Variants in PAPPA2 observed in about 807,000 individuals in gnomAD.
PAPPA2 encodes pappalysin-2.
PAPPA2 carries 86 observed loss-of-function variants against 176.4 expected under a neutral mutation model. That is an observed-to-expected ratio of 0.49 (90% CI 0.41 to 0.58). The LOEUF (loss-of-function observed/expected upper bound fraction) is 0.58, where lower values mean the gene tolerates loss of function less well. Ranked by LOEUF, PAPPA2 falls within the 20% of genes least tolerant of loss-of-function variation. PAPPA2 has a pLI of 0.00. For synonymous variants in PAPPA2, 809 were observed against 852.2 expected (o/e 0.95, Z 0.88); for missense variants, 2,073 against 2,256.9 (o/e 0.92, Z 1.65).
chr1:176,590,586 A>G (rs1350643488), intron 2 of PAPPA2, among the ~76,000 whole-genome samples: 8 of 152,164 alleles, frequency 5.3e-5, no homozygotes, highest in African/African-American at 1.9e-4. Flanking sequence ...GATACTTCAC[A>G]TGTGTTATTT....
At chr1:176,802,919 T>C (rs1428319588) in intron 21 of PAPPA2, among the ~76,000 whole-genome samples, 2 of 152,216 alleles carry the variant, frequency 1.3e-5, no homozygotes, top group Non-Finnish European at 2.9e-5. Context: ...TCTAAATAAT[T>C]CCATCTTCTT....
At chr1:176,643,292 GCT>G (rs1176327329) in intron 3 of PAPPA2, among the ~76,000 whole-genome samples, 1 of 151,814 alleles carries the variant, frequency 6.6e-6, no homozygotes, top group Non-Finnish European at 1.5e-5. Flanking sequence ...TCAGACCAAT[GCT>G]CTAAAAACAT....
chr1:176,638,922 G>GTGTGCA (rs1379830070), intron 3 of PAPPA2, among the ~76,000 whole-genome samples: 4 of 148,410 alleles, frequency 2.7e-5, no homozygotes, highest in Non-Finnish European at 4.4e-5. Flanking sequence ...TGGTGTGTGT[G>GTGTGCA]TGTGCATGTG....
At chr1:176,665,605 T>C (rs1270225226) in intron 3 of PAPPA2, among the ~76,000 whole-genome samples, 1 of 152,228 alleles carries the variant, frequency 6.6e-6, no homozygotes, top group Non-Finnish European at 1.5e-5. Context: ...TTATGAAGTT[T>C]AGTTTCTTCC....
intron 1 of PAPPA2, among the ~76,000 whole-genome samples, chr1:176,531,658 C>G (rs1329498026): frequency 1.3e-5 from 2 of 152,148 alleles, no homozygotes; most frequent in African/African-American, 2.4e-5. Flanking sequence ...CTTACAAGGA[C>G]ATGCTGAGGT....
chr1:176,788,909 C>G (rs891579827), intron 17 of PAPPA2, among the ~76,000 whole-genome samples: 2 of 152,182 alleles, frequency 1.3e-5, no homozygotes, highest in African/African-American at 4.8e-5. Flanking sequence ...TGCACTTTCT[C>G]CCCTCTCTGA....
chr1:176,498,581 C>T (rs1436293929), intron 1 of PAPPA2, among the ~76,000 whole-genome samples: 1 of 151,918 alleles, frequency 6.6e-6, no homozygotes, highest in Admixed American at 6.6e-5. Context: ...GAAACCCAGT[C>T]TCTCCTAAAA....
intron 1 of PAPPA2, among the ~76,000 whole-genome samples, chr1:176,489,297 G>A (rs1217187631): frequency 6.6e-6 from 1 of 152,148 alleles, no homozygotes; most frequent in East Asian, 1.9e-4. Context: ...TGGAATTGAA[G>A]TTCAAACAAC....
intron 1 of PAPPA2, among the ~76,000 whole-genome samples, chr1:176,484,586 T>G (rs1212666569): frequency 6.6e-6 from 1 of 152,232 alleles, no homozygotes; most frequent in East Asian, 1.9e-4. Context: ...TCTATTGATA[T>G]TTCATCAAGC....
At chr1:176,522,417 C>A (rs948911745) in intron 1 of PAPPA2, among the ~76,000 whole-genome samples, 2 of 152,132 alleles carry the variant, frequency 1.3e-5, no homozygotes, top group Non-Finnish European at 1.5e-5. Context: ...GTAGAAAAAA[C>A]TCCTTTCATT....
chr1:176,827,945 G>A (rs1311576887), intron 21 of PAPPA2, among the ~76,000 whole-genome samples: 1 of 151,914 alleles, frequency 6.6e-6, no homozygotes, highest in African/African-American at 2.4e-5. Context: ...CATTTCTCAT[G>A]GCTATCTGTG....
intron 1 of PAPPA2, among the ~76,000 whole-genome samples, chr1:176,508,244 A>G (rs986729529): frequency 2.0e-5 from 3 of 152,250 alleles, no homozygotes; most frequent in Non-Finnish European, 4.4e-5. Context: ...TAAAATTACT[A>G]ATCATGTGAA....
intron 1 of PAPPA2, among the ~76,000 whole-genome samples, chr1:176,501,771 C>G (rs149492440): frequency 1.3e-3 from 203 of 152,270 alleles, no homozygotes; most frequent in African/African-American, 4.4e-3. Context: ...AACAACATGT[C>G]TCAGAGGAGA....
intron 3 of PAPPA2, among the ~76,000 whole-genome samples, chr1:176,604,403 CTAAG>C (rs772107869): frequency 3.9e-5 from 6 of 152,180 alleles, no homozygotes; most frequent in African/African-American, 4.8e-5. Flanking sequence ...AAGGAACAGA[CTAAG>C]TATTCAATAA....
At chr1:176,766,692 G>C (rs911623025) in intron 15 of PAPPA2, among the ~76,000 whole-genome samples, 3 of 152,138 alleles carry the variant, frequency 2.0e-5, no homozygotes, top group Non-Finnish European at 4.4e-5. Flanking sequence ...TAAGAATTCT[G>C]TTTTCCATCT....
chr1:176,713,573 T>TTTC (rs1164464890), intron 12 of PAPPA2, among the ~76,000 whole-genome samples: 1 of 152,252 alleles, frequency 6.6e-6, no homozygotes, highest in Non-Finnish European at 1.5e-5. Context: ...GTGAGCTTCC[T>TTTC]TTCCTGTCAT....
chr1:176,630,349 T>A (rs1477250575), intron 3 of PAPPA2, among the ~76,000 whole-genome samples: 1 of 152,160 alleles, frequency 6.6e-6, no homozygotes, highest in Non-Finnish European at 1.5e-5. Flanking sequence ...GATAAGAAGT[T>A]TGTACAAAAG....
intron 2 of PAPPA2, among the ~76,000 whole-genome samples, chr1:176,576,103 G>C (rs2089456938): frequency 6.6e-6 from 1 of 152,160 alleles, no homozygotes; most frequent in South Asian, 2.1e-4. Context: ...ATTCCTAGAA[G>C]TGAAATTACA....
chr1:176,835,622 C>T (rs192750099), intron 21 of PAPPA2, among the ~76,000 whole-genome samples: 4 of 152,158 alleles, frequency 2.6e-5, no homozygotes, highest in Non-Finnish European at 5.9e-5. Flanking sequence ...CGGGTTCAAG[C>T]GATTCTCCTG....
Sources: allele counts gnomAD v4.1 joint callset (sites outside exome capture counted in the v4.1 genomes callset), GRCh38; gene constraint gnomAD v4.1.1; transcripts MANE v1.5; gene names NCBI Gene and HGNC (gene_info 2026-07-23, HGNC 2026-07-21).